Variants in RYR3 observed in about 807,000 individuals in gnomAD.
RYR3 encodes the protein ryanodine receptor 3.
In RYR3, 207 loss-of-function variants were observed where a neutral mutation model predicts 584.3. That is an observed-to-expected ratio of 0.35 (90% CI 0.32 to 0.40). The LOEUF is 0.40. Among genes scored for constraint, RYR3 ranks in the 10% least tolerant of loss-of-function variants. RYR3 has a pLI of 1.00. For synonymous variants in RYR3, 2,416 were observed against 2,248.5 expected, an observed-to-expected ratio of 1.07 and a Z score of -2.11; for missense variants, 5,616 against 6,089.2, an observed-to-expected ratio of 0.92 and a Z score of 2.59.
chr15:33,615,452 A>G (rs2060401229), intron 19 of RYR3, among the ~76,000 whole-genome samples: 1 of 152,214 alleles, frequency 6.6e-6, no homozygotes, highest in Admixed American at 6.5e-5. Context: ...AACCTTTGGA[A>G]TTTGAGACAG....
intron 2 of RYR3, among the ~76,000 whole-genome samples, chr15:33,478,556 A>G (rs536736460): frequency 8.5e-5 from 13 of 152,308 alleles, no homozygotes; most frequent in Non-Finnish European, 1.3e-4. Flanking sequence ...ACCACAAGCA[A>G]TGTACCCTGG....
chr15:33,381,652 A>G lies in RYR3; in HGVS notation c.51+70556A>G, dbSNP rs1196122537. 2.6e-5 allele frequency among the ~76,000 whole-genome samples: 4 copies of G among 151,966 alleles called. No homozygotes were observed. The East Asian group carries it at 7.7e-4, about 29-fold the overall frequency. ...CTTGAAATCATTTCTGACAGCCCCA[A>G]TCTCAGCTTCCTCTCCTTTCATTGG... is the stretch of plus-strand genomic sequence containing the variant. On this transcript the variant is annotated intron_variant, in intron 1 of 103. Coordinates refer to ENST00000634891, the MANE Select transcript of RYR3 (RefSeq NM_001036.6).
chr15:33,695,929 G>A (rs749065300), intron 38 of RYR3, among the ~76,000 whole-genome samples: 3 of 146,496 alleles, frequency 2.0e-5, no homozygotes, highest in African/African-American at 5.1e-5. Context: ...GACTACAGGC[G>A]TGTGCAACCA....
At chr15:33,355,812 G>T (rs554850710) in intron 1 of RYR3, among the ~76,000 whole-genome samples, 2 of 152,166 alleles carry the variant, frequency 1.3e-5, no homozygotes, top group African/African-American at 4.8e-5. Flanking sequence ...GAGAGGATGA[G>T]AACTTAGTAT....
chr15:33,852,594 T>G (rs1400586351), intron 94 of RYR3: 2 of 157,420 alleles, frequency 1.3e-5, no homozygotes, highest in African/African-American at 4.8e-5. Flanking sequence ...AGTTAGGGAC[T>G]TTATCTACAC....
At chr15:33,368,397 A>G (rs758607054) in intron 1 of RYR3, among the ~76,000 whole-genome samples, 14 of 137,480 alleles carry the variant, frequency 1.0e-4, no homozygotes, top group Non-Finnish European at 2.0e-4. Context: ...GGTCTGGATA[A>G]CTAGTCTGCT....
At chr15:33,725,976 C>CACCGCCAAAAA (rs1555427645) in intron 45 of RYR3, among the ~76,000 whole-genome samples, 1 of 31,516 alleles carries the variant, frequency 3.2e-5, no homozygotes, top group African/African-American at 1.1e-4. Context: ...TCCCCCCCCC[C>CACCGCCAAAAA]AAAAAAAAAA....
intron 57 of RYR3, 63 bp downstream of exon 57, chr15:33,750,349 G>C (rs1029983193): frequency 6.5e-7 from 1 of 1,549,810 alleles, no homozygotes; most frequent in Non-Finnish European, 8.8e-7. Context: ...ATTTAATTAC[G>C]TGCCTACAAA....
intron 10 of RYR3, among the ~76,000 whole-genome samples, chr15:33,553,489 A>G (rs2056839007): frequency 6.6e-6 from 1 of 152,148 alleles, no homozygotes; most frequent in African/African-American, 2.4e-5. Context: ...AGCCTTGCTG[A>G]AAGGTGACCA....
chr15:33,618,589 C>T (rs146368432), intron 19 of RYR3, among the ~76,000 whole-genome samples: 107 of 152,308 alleles, frequency 7.0e-4, no homozygotes, highest in African/African-American at 2.3e-3. Context: ...TCGTGACTTA[C>T]GAGTCAAATT....
intron 38 of RYR3, among the ~76,000 whole-genome samples, chr15:33,692,238 A>C (rs975507610): frequency 2.6e-5 from 4 of 152,198 alleles, no homozygotes; most frequent in Admixed American, 2.6e-4. Context: ...AGCTAATTAA[A>C]ATCTGAAGAA....
intron 38 of RYR3, among the ~76,000 whole-genome samples, chr15:33,687,262 A>C (rs1186547464): frequency 6.6e-6 from 1 of 152,244 alleles, no homozygotes; most frequent in Non-Finnish European, 1.5e-5. Flanking sequence ...AAGCATTCCT[A>C]TACACCAATA....
chr15:33,472,562 A>G (rs1417607184), intron 1 of RYR3, among the ~76,000 whole-genome samples: 1 of 152,076 alleles, frequency 6.6e-6, no homozygotes, highest in African/African-American at 2.4e-5. Context: ...ATCCAAAGCT[A>G]TGTGGTGGTG....
At position 33,566,884 on chromosome 15, in the gene RYR3, G is replaced by T; in HGVS notation, c.1268+85G>T. ...ACCACCCACCTCCTTTTGATACTGT[G>T]AATGTTTTCAGGAAATAATGATACA... is the stretch of plus-strand genomic sequence containing the variant. On this transcript the variant is annotated intron_variant, in intron 12 of 103. Coordinates refer to ENST00000634891, the MANE Select transcript of RYR3 (RefSeq NM_001036.6). 3 of 1,438,284 alleles carry T rather than the reference G, an allele frequency of 2.1e-6. No individual in the cohort carries two copies. The Admixed American group carries it at 5.2e-5, about 25-fold the overall frequency. 89.1% of individuals were successfully genotyped at this position (1,438,284 alleles called of 1,614,324 possible). A position where few individuals can be genotyped will look rare whatever the true frequency, so the allele number is the denominator to read the frequency against.
chr15:33,416,669 G>A (rs1482318611), intron 1 of RYR3, among the ~76,000 whole-genome samples: 25 of 151,998 alleles, frequency 1.6e-4, no homozygotes, highest in Admixed American at 1.6e-3. Flanking sequence ...AGTTTCTTTT[G>A]CTGGGCAGAA....
intron 2 of RYR3, among the ~76,000 whole-genome samples, chr15:33,499,424 T>C (rs1567378567): frequency 6.6e-6 from 1 of 152,122 alleles, no homozygotes; most frequent in Non-Finnish European, 1.5e-5. Flanking sequence ...TTTTGTCTCA[T>C]ACTTCAAAAA....
At chr15:33,781,177 T>C (rs2074360020) in intron 65 of RYR3, among the ~76,000 whole-genome samples, 2 of 152,136 alleles carry the variant, frequency 1.3e-5, no homozygotes, top group Non-Finnish European at 2.9e-5. Flanking sequence ...TGTATCTGGG[T>C]TAATTGTGAT....
At chr15:33,332,935 C>T (rs1030667990) in intron 1 of RYR3, among the ~76,000 whole-genome samples, 30 of 151,846 alleles carry the variant, frequency 2.0e-4, no homozygotes, top group African/African-American at 4.1e-4. Flanking sequence ...TTTTGTAGCA[C>T]GAAATCAATC....
chr15:33,419,629 G>T (rs1298298973), intron 1 of RYR3, among the ~76,000 whole-genome samples: 1 of 152,170 alleles, frequency 6.6e-6, no homozygotes, highest in Non-Finnish European at 1.5e-5. Context: ...ATTTGACAGT[G>T]TGAGCACATA....
Sources: allele counts gnomAD v4.1 joint callset (sites outside exome capture counted in the v4.1 genomes callset), GRCh38; gene constraint gnomAD v4.1.1; transcripts MANE v1.5; gene names NCBI Gene and HGNC (gene_info 2026-07-23, HGNC 2026-07-21).